Variants in KIAA1671 observed in about 807,000 individuals in gnomAD.
KIAA1671 encodes the protein uncharacterized protein KIAA1671.
KIAA1671 carries 52 observed loss-of-function variants against 131.2 expected under a neutral mutation model. The observed-to-expected ratio is 0.40, with a 90% CI of 0.32 to 0.50. The LOEUF (loss-of-function observed/expected upper bound fraction) is 0.50. Ranked by LOEUF, KIAA1671 falls within the 20% of genes least tolerant of loss-of-function variation. The pLI is 0.73. For synonymous variants in KIAA1671, 1,003 were observed against 961.6 expected (o/e 1.04, Z -0.80); for missense variants, 2,360 against 2,364.2 (o/e 1.00, Z 0.04).
At chr22:25,018,796 T>C (rs1048393568) in intron 1 of KIAA1671, among the ~76,000 whole-genome samples, 3 of 152,244 alleles carry the variant, frequency 2.0e-5, no homozygotes, top group Non-Finnish European at 4.4e-5. Context: ...ATATTTTGTT[T>C]ATCCATCCAT....
intron 6 of KIAA1671, chr22:25,112,791 C>G (rs1340800187): frequency 6.0e-6 from 1 of 165,834 alleles, no homozygotes; most frequent in African/African-American, 2.4e-5. Context: ...ATCCTTCTCC[C>G]TATTTTTAGG....
intron 6 of KIAA1671, among the ~76,000 whole-genome samples, chr22:25,137,989 C>T (rs1424985085): frequency 6.6e-6 from 1 of 152,174 alleles, no homozygotes; most frequent in East Asian, 1.9e-4. Flanking sequence ...GGCTGTCCTG[C>T]AGTAGATTCT....
rs954764224 is a variant in KIAA1671, at chr22:25,029,227, G to A, written c.1228G>A (p.Gly410Ser). The change falls in exon 3 of 13, where the codon GGC becomes AGC. Residue 410 changes from glycine (G) to serine (S), a missense_variant. Coordinates refer to ENST00000358431, the MANE Select transcript of KIAA1671 (RefSeq NM_001145206.2). ...GTCCCCCTCACCCAGGCTGGGAAGG[G>A]GCCTAGAACTTGCTGAGGTTAAGAG... ...AESPSPRLGR[G>S]LELAEVKSRV... 113 of 1,470,312 alleles carry A rather than the reference G, an allele frequency of 7.7e-5. No individual in the cohort carries two copies. The highest frequency in any genetic ancestry group is 9.5e-5 in the Non-Finnish European group (105 of 1,106,674). 91.1% of individuals were successfully genotyped at this position (1,470,312 alleles called of 1,614,324 possible). A position where few individuals can be genotyped will look rare whatever the true frequency, so the allele number is the denominator to read the frequency against.
At chr22:25,172,755 G>C (rs989186805) in intron 7 of KIAA1671, among the ~76,000 whole-genome samples, 1 of 152,186 alleles carries the variant, frequency 6.6e-6, no homozygotes, top group Non-Finnish European at 1.5e-5. Flanking sequence ...TGACCCAAGT[G>C]ATACCTGATT....
intron 2 of KIAA1671, among the ~76,000 whole-genome samples, chr22:25,026,742 A>T (rs2123899201): frequency 6.6e-6 from 1 of 152,144 alleles, no homozygotes; most frequent in East Asian, 1.9e-4. Flanking sequence ...AAAAAAAAAA[A>T]AGACAGAGCT....
Position 25,040,006 on chromosome 22 carries a change from A to G in KIAA1671, c.2876A>G (p.Asp959Gly). The G allele has an allele frequency of 1.3e-6, 2 of 1,551,492 alleles. No homozygotes were observed. The highest frequency in any genetic ancestry group is 1.7e-6 in the Non-Finnish European group (2 of 1,146,858). The change falls in exon 5 of 13, where the codon GAT becomes GGT. Residue 959 changes from aspartate to glycine, a missense_variant. This residue lies in a region of KIAA1671 where 1,161 missense variants were observed against 1,204.7 expected (regional missense o/e 0.96). Transcript: ENST00000358431. ...ACTTTACCCCCCAACGTGAAATTTGATACATTCAGTTCTCTTGTCCCAGAG... is the reference window on the plus strand; with the variant it reads ...ACTTTACCCCCCAACGTGAAATTTGGTACATTCAGTTCTCTTGTCCCAGAG... ...RRTLPPNVKF[D>G]TFSSLVPEDS...
chr22:25,129,879 G>A (rs1444957368), intron 6 of KIAA1671, among the ~76,000 whole-genome samples: 1 of 152,174 alleles, frequency 6.6e-6, no homozygotes, highest in Non-Finnish European at 1.5e-5. Flanking sequence ...GACATGTTGT[G>A]AAGAATACAT....
chr22:25,041,299 A>G lies in KIAA1671; in HGVS notation c.4169A>G (p.Gln1390Arg). ...CGGGGAGAGGAGGACAGTGTGGCCCAGTGGGGTGACCACCCACGTGACTGT... is the reference window on the plus strand; with the variant it reads ...CGGGGAGAGGAGGACAGTGTGGCCCGGTGGGGTGACCACCCACGTGACTGT... Reference protein sequence around the residue: ...TGRGEEDSVAQWGDHPRDCGR... With the variant: ...TGRGEEDSVARWGDHPRDCGR... Residue 1390 changes from glutamine to arginine, a missense_variant, in exon 5 of 13, where the codon CAG becomes CGG. Around this residue, in one of 3 missense-constraint regions of KIAA1671, gnomAD observed 1,161 missense variants for 1,204.7 expected, o/e 0.96. Transcript: ENST00000358431. The G allele has an allele frequency of 1.3e-6, 2 of 1,551,732 alleles. No individual in the cohort carries two copies. The highest frequency in any genetic ancestry group is 2.4e-5 in the South Asian group (2 of 84,062).
At chr22:25,015,412 TTA>T (rs1925256855) in intron 1 of KIAA1671, among the ~76,000 whole-genome samples, 1 of 152,070 alleles carries the variant, frequency 6.6e-6, no homozygotes, top group African/African-American at 2.4e-5. Context: ...AGCAGCTTAA[TTA>T]ATGGTTTCAG....
In KIAA1671 at chr22:25,196,823, G is replaced by A. The variant is rs192906763; in HGVS notation, c.*4422G>A. 3.9e-4 allele frequency: 60 copies of A among 152,136 alleles called. No individual in the cohort carries two copies. Among genetic ancestry groups the A allele is most frequent in the African/African-American group, 1.3e-3 (55 of 41,492 alleles). The allele number at this position is 152,136 out of a possible 1,614,324, so 9.4% of individuals were successfully genotyped here. On this transcript the variant is annotated 3_prime_UTR_variant, in exon 13 of 13. Transcript: ENST00000358431. ...TCACAAAAGTAATATATTGTGTTAT[G>A]GAAGATAATTTTGTACTGTGCTGTT...
chr22:24,995,814 A>G (rs1348848841), intron 1 of KIAA1671, among the ~76,000 whole-genome samples: 4 of 152,232 alleles, frequency 2.6e-5, no homozygotes, highest in Non-Finnish European at 5.9e-5. Flanking sequence ...CATTTTATAG[A>G]TGAGGAAGAT....
chr22:25,098,055 A>G (rs553899244), intron 6 of KIAA1671, among the ~76,000 whole-genome samples: 95 of 152,308 alleles, frequency 6.2e-4, no homozygotes, highest in Non-Finnish European at 1.2e-3. Flanking sequence ...ACTTGCCCCC[A>G]GGTCCCCTTG....
At chr22:25,015,167 G>C (rs1048638869) in intron 1 of KIAA1671, 1 of 150,534 alleles carries the variant, frequency 6.6e-6, no homozygotes, top group Non-Finnish European at 1.5e-5. Context: ...TTGAGCCCAG[G>C]AGATTGAGAC....
At chr22:25,125,713 T>C (rs1414126059) in intron 6 of KIAA1671, among the ~76,000 whole-genome samples, 1 of 152,214 alleles carries the variant, frequency 6.6e-6, no homozygotes, top group East Asian at 1.9e-4. Context: ...CAAAAATGTT[T>C]CCAGCCATTG....
chr22:24,967,058 C>G (rs779127592), intron 1 of KIAA1671, among the ~76,000 whole-genome samples: 5 of 152,170 alleles, frequency 3.3e-5, no homozygotes, highest in Non-Finnish European at 7.3e-5. Context: ...ACCCCCTCCC[C>G]TCTCTGGACC....
chr22:24,998,515 C>T (rs947340035), intron 1 of KIAA1671, among the ~76,000 whole-genome samples: 9 of 151,744 alleles, frequency 5.9e-5, no homozygotes, highest in Middle Eastern at 3.2e-3. Context: ...GTCAGGAGAT[C>T]GAGACCATCC....
At chr22:24,976,194 G>A (rs915518374) in intron 1 of KIAA1671, among the ~76,000 whole-genome samples, 1 of 152,332 alleles carries the variant, frequency 6.6e-6, no homozygotes, top group Non-Finnish European at 1.5e-5. Flanking sequence ...CTCCACATTC[G>A]GCAGTTCCCT....
chr22:25,029,183 A>C lies in KIAA1671; in HGVS notation c.1184A>C (p.Glu395Ala). ...PWEEKAKLDP[E>A]PEKAAESPSP... is the part of the protein sequence containing the mutation. ...GAAGAAAAGGCCAAGCTGGACCCAGAGCCAGAGAAGGCTGCTGAGTCCCCC... is the reference window on the plus strand; with the variant it reads ...GAAGAAAAGGCCAAGCTGGACCCAGCGCCAGAGAAGGCTGCTGAGTCCCCC... The change falls in exon 3 of 13, where the codon GAG becomes GCG. Residue 395 changes from glutamate to alanine, a missense_variant. By Grantham distance (107) the Glu-to-Ala change is moderately radical (BLOSUM62 -1). Around this residue, in one of 3 missense-constraint regions of KIAA1671, gnomAD observed 1,185 missense variants for 1,126.2 expected, o/e 1.05. Coordinates refer to ENST00000358431, the MANE Select transcript of KIAA1671 (RefSeq NM_001145206.2). 1 of 1,456,516 alleles carries C rather than the reference A, an allele frequency of 6.9e-7. No individual in the cohort carries two copies. Among genetic ancestry groups the C allele is most frequent in the East Asian group, 2.5e-5 (1 of 40,036 alleles). 90.2% of individuals were successfully genotyped at this position (1,456,516 alleles called of 1,614,324 possible). A position where few individuals can be genotyped will look rare whatever the true frequency, so the allele number is the denominator to read the frequency against.
chr22:25,087,730 G>C (rs1004635062), intron 6 of KIAA1671, among the ~76,000 whole-genome samples: 17 of 152,344 alleles, frequency 1.1e-4, no homozygotes, highest in African/African-American at 4.1e-4. Flanking sequence ...ACAACAGCTT[G>C]AGTCAACGTG....
Sources: allele counts gnomAD v4.1 joint callset (sites outside exome capture counted in the v4.1 genomes callset), GRCh38; gene constraint gnomAD v4.1.1; regional missense constraint gnomAD v4.1.1; transcripts MANE v1.5; gene names NCBI Gene and HGNC (gene_info 2026-07-23, HGNC 2026-07-21).